The following TMEM181 variants were observed in gnomAD, a reference collection of about 807,000 sequenced individuals.
TMEM181 encodes the protein G protein-coupled receptor 178.
A neutral mutation model predicts 71.9 loss-of-function variants in TMEM181; 39 were observed. The ratio of observed to expected loss-of-function variants is 0.54; its 90% confidence interval spans 0.42 to 0.71. TMEM181 has a LOEUF of 0.71. Ranked by LOEUF, TMEM181 falls within the 30% of genes least tolerant of loss-of-function variation. The probability of loss-of-function intolerance (pLI) is 0.00; values close to 1 mark genes in which losing one functional copy is unlikely to be tolerated. For synonymous variants in TMEM181, 245 were observed against 228.8 expected (o/e 1.07, Z -0.64); for missense variants, 595 against 583.0 (o/e 1.02, Z -0.21).
chr6:158,625,424 C>T (rs1431185732), intron 12 of TMEM181, among the ~76,000 whole-genome samples: 3 of 152,104 alleles, frequency 2.0e-5, no homozygotes, highest in Non-Finnish European at 4.4e-5. Flanking sequence ...CTGGGTCCTG[C>T]GGGACTGTAC....
chr6:158,553,405 C>T (rs1272230698), intron 1 of TMEM181, among the ~76,000 whole-genome samples: 2 of 152,274 alleles, frequency 1.3e-5, no homozygotes, highest in Middle Eastern at 6.8e-3. Flanking sequence ...TCAGTTATTT[C>T]TCTGTTAACC....
chr6:158,565,001 G>A (rs1365830951), intron 1 of TMEM181, among the ~76,000 whole-genome samples: 1 of 152,296 alleles, frequency 6.6e-6, no homozygotes, highest in East Asian at 1.9e-4. Flanking sequence ...GCCTACCGTC[G>A]TGGTGGTTTG....
chr6:158,575,676 A>G (rs1783114950), intron 2 of TMEM181, among the ~76,000 whole-genome samples: 1 of 152,126 alleles, frequency 6.6e-6, no homozygotes, highest in African/African-American at 2.4e-5. Context: ...AGACTGCCTT[A>G]CTTCCTGGGT....
chr6:158,546,318 C>T (rs1487514080), intron 1 of TMEM181, among the ~76,000 whole-genome samples: 1 of 152,200 alleles, frequency 6.6e-6, no homozygotes, highest in Non-Finnish European at 1.5e-5. Flanking sequence ...TCATCATTGG[C>T]AGCTATGTCA....
At chr6:158,602,866 G>C (rs528185443) in intron 6 of TMEM181, among the ~76,000 whole-genome samples, 24 of 152,270 alleles carry the variant, frequency 1.6e-4, no homozygotes, top group African/African-American at 5.5e-4. Flanking sequence ...ACAGGTGTGA[G>C]CCACTGCACC....
chr6:158,583,627 C>T (rs918002526), intron 3 of TMEM181, among the ~76,000 whole-genome samples: 2 of 152,068 alleles, frequency 1.3e-5, no homozygotes, highest in Non-Finnish European at 2.9e-5. Context: ...GGTGAAACTC[C>T]GTCTGTACTA....
intron 6 of TMEM181, among the ~76,000 whole-genome samples, chr6:158,600,404 C>T (rs973070144): frequency 6.6e-6 from 1 of 151,152 alleles, no homozygotes; most frequent in Non-Finnish European, 1.5e-5. Flanking sequence ...CCCGCATCGG[C>T]CTCCCGAAGT....
chr6:158,605,158 G>C, intron 6 of TMEM181, 109 bp from the exon 7 acceptor site: 2 of 571,558 alleles, frequency 3.5e-6, no homozygotes, highest in East Asian at 3.2e-5. Context: ...GTGTGTGTGT[G>C]TATGTGTATA....
At chr6:158,537,327 C>G (rs539991271) in intron 1 of TMEM181, among the ~76,000 whole-genome samples, 67 of 152,192 alleles carry the variant, frequency 4.4e-4, no homozygotes, top group Middle Eastern at 6.8e-3. Context: ...TCTGAGCGCC[C>G]TAGGCTTTGC....
rs752402151 is a variant in TMEM181 at position 158,631,900 on chromosome 6, C to G, written c.*12C>G. Reference sequence around the variant, plus strand: ...CAGATAGTGACTGAGCCCCGGCCAGCCCAGCGAGGCGACAAGATGCCTGGA... The same window carrying G: ...CAGATAGTGACTGAGCCCCGGCCAGGCCAGCGAGGCGACAAGATGCCTGGA... On this transcript the variant is annotated 3_prime_UTR_variant, in exon 17 of 17. Coordinates refer to ENST00000684151, the MANE Select transcript of TMEM181 (RefSeq NM_001376852.1). 1 of 1,573,792 alleles carries G rather than the reference C, an allele frequency of 6.4e-7. No individual in the cohort carries two copies. Among genetic ancestry groups the G allele is most frequent in the East Asian group, 2.3e-5 (1 of 42,766 alleles).
At chr6:158,576,703 T>C (rs1783177681) in intron 2 of TMEM181, among the ~76,000 whole-genome samples, 1 of 152,000 alleles carries the variant, frequency 6.6e-6, no homozygotes, top group African/African-American at 2.4e-5. Flanking sequence ...CAGCAAACTC[T>C]GAGGAAGGGG....
chr6:158,570,352 C>T (rs1197581169), intron 1 of TMEM181, among the ~76,000 whole-genome samples: 1 of 151,698 alleles, frequency 6.6e-6, no homozygotes, highest in Non-Finnish European at 1.5e-5. Flanking sequence ...CCTGCCTCGG[C>T]CTCCCGAGTA....
intron 2 of TMEM181, among the ~76,000 whole-genome samples, chr6:158,576,503 C>G (rs1783164195): frequency 6.6e-6 from 1 of 151,894 alleles, no homozygotes; most frequent in Admixed American, 6.6e-5. Flanking sequence ...TGCCTTTTTC[C>G]TTTCTCGGGA....
At chr6:158,597,508 C>T (rs531140114) in intron 6 of TMEM181, among the ~76,000 whole-genome samples, 1 of 151,876 alleles carries the variant, frequency 6.6e-6, no homozygotes, top group South Asian at 2.1e-4. Flanking sequence ...TCAGCTAGCC[C>T]CCCCTTTTTT....
chr6:158,619,628 T>TGCA (rs894843971), intron 10 of TMEM181, among the ~76,000 whole-genome samples: 8 of 152,034 alleles, frequency 5.3e-5, no homozygotes, highest in African/African-American at 1.9e-4. Flanking sequence ...CCCAGCACTT[T>TGCA]GGGAGGCCAG....
At chr6:158,553,319 T>G (rs1781774293) in intron 1 of TMEM181, among the ~76,000 whole-genome samples, 1 of 141,406 alleles carries the variant, frequency 7.1e-6, no homozygotes, top group African/African-American at 2.7e-5. Flanking sequence ...ACCATTTACA[T>G]TTACAAAATT....
At chr6:158,624,091 C>T (rs1786128613) in intron 11 of TMEM181, among the ~76,000 whole-genome samples, 1 of 152,198 alleles carries the variant, frequency 6.6e-6, no homozygotes, top group Non-Finnish European at 1.5e-5. Flanking sequence ...TGTTTTTACT[C>T]CCAGTCTTTG....
intron 14 of TMEM181, 101 bp from the exon 15 acceptor site, chr6:158,629,629 C>A: frequency 9.9e-7 from 1 of 1,014,816 alleles, no homozygotes; most frequent in Non-Finnish European, 1.5e-6. Context: ...GGGTGCTTGG[C>A]ACTAGAAGGG....
chr6:158,553,981 G>A (rs1225984783), intron 1 of TMEM181, among the ~76,000 whole-genome samples: 2 of 151,716 alleles, frequency 1.3e-5, no homozygotes, highest in Non-Finnish European at 2.9e-5. Context: ...ATCTCAGCTC[G>A]CCAGAACCCC....
Sources: gnomAD v4.1 joint callset for allele counts (sites outside exome capture counted in the v4.1 genomes callset) on GRCh38, gnomAD v4.1.1 for gene constraint, MANE v1.5 for transcripts, NCBI Gene and HGNC (gene_info 2026-07-23, HGNC 2026-07-21) for gene names.